Variants in KCNAB2 observed in about 807,000 individuals in gnomAD.
KCNAB2 encodes the protein voltage-gated potassium channel subunit beta-2.
A neutral mutation model predicts 63.6 loss-of-function variants in KCNAB2; 29 were observed. The observed-to-expected ratio is 0.46, with a 90% CI of 0.34 to 0.62. The LOEUF (loss-of-function observed/expected upper bound fraction) is 0.62. KCNAB2 is among the 20% of genes least tolerant of loss of function. The probability of loss-of-function intolerance (pLI) is 0.01; values close to 1 mark genes in which losing one functional copy is unlikely to be tolerated. For missense variants in KCNAB2, 359 were observed against 563.9 expected (o/e 0.64, Z 3.68); for synonymous variants, 222 against 224.2 (o/e 0.99, Z 0.09).
At chr1:6,020,997 T>G (rs1280135639) in intron 1 of KCNAB2, among the ~76,000 whole-genome samples, 2 of 152,106 alleles carry the variant, frequency 1.3e-5, no homozygotes, top group Admixed American at 6.5e-5. Context: ...ATTTTTATTT[T>G]CATATATATT....
At chr1:6,043,596 A>T (rs1311235226), upstream of KCNAB2, among the ~76,000 whole-genome samples, 2 of 152,168 alleles carry the variant, frequency 1.3e-5, no homozygotes, top group African/African-American at 4.8e-5. Context: ...GGCTCTGGAG[A>T]TGACCTCTAA....
chr1:6,055,787 G>T (rs1461509608), intron 2 of KCNAB2, among the ~76,000 whole-genome samples: 1 of 152,128 alleles, frequency 6.6e-6, no homozygotes, highest in East Asian at 1.9e-4. Context: ...GGTTGACGGG[G>T]TGGGTGGGAT....
intron 8 of KCNAB2, among the ~76,000 whole-genome samples, chr1:6,089,802 A>G (rs1665026999): frequency 6.6e-6 from 1 of 152,172 alleles, no homozygotes; most frequent in Non-Finnish European, 1.5e-5. Flanking sequence ...GGTTCAAGCA[A>G]TTCTCCTGCC....
chr1:6,018,841 G>A (rs1290020628), intron 1 of KCNAB2: 2 of 152,154 alleles, frequency 1.3e-5, no homozygotes, highest in Admixed American at 6.5e-5. Flanking sequence ...CCCAGGTTGT[G>A]GTATTTCATT....
chr1:6,063,133 C>T (rs1026598913), intron 2 of KCNAB2, among the ~76,000 whole-genome samples: 3 of 151,938 alleles, frequency 2.0e-5, no homozygotes, highest in African/African-American at 7.3e-5. Context: ...GATTCTCCTG[C>T]CTCAGCCTCC....
intron 2 of KCNAB2, among the ~76,000 whole-genome samples, chr1:6,068,120 C>T (rs1363146331): frequency 6.6e-6 from 1 of 152,222 alleles, no homozygotes; most frequent in East Asian, 1.9e-4. Context: ...TTATGTCAGT[C>T]CTAGGATCTC....
chr1:6,096,905 T>C lies in KCNAB2; in HGVS notation c.1069+149T>C. 1 of 1,142,978 alleles carries C rather than the reference T, an allele frequency of 8.7e-7. No individual in the cohort carries two copies. The allele number at this position is 1,142,978 out of a possible 1,614,324, so 70.8% of individuals were successfully genotyped here. A position where few individuals can be genotyped will look rare whatever the true frequency, so the allele number is the denominator to read the frequency against. On this transcript the variant is annotated intron_variant, in intron 14 of 15. Coordinates refer to ENST00000378083, the MANE Select transcript of KCNAB2 (RefSeq NM_001199862.2). This position sits in a 1 kb window ranked among gnomAD's most constrained non-coding sequence, Gnocchi z 5.9. ...ACATCATCCCCCAGCCAGCCTCGGG[T>C]AATCGGGCTCTAAGGGGCATGGTTG...
chr1:6,020,364 G>A (rs959546037), intron 1 of KCNAB2, among the ~76,000 whole-genome samples: 1 of 152,100 alleles, frequency 6.6e-6, no homozygotes, highest in Admixed American at 6.5e-5. Context: ...CTGCAGTACA[G>A]CCTCCCACCT....
intron 1 of KCNAB2, among the ~76,000 whole-genome samples, chr1:6,018,192 A>G (rs573603233): frequency 2.1e-5 from 3 of 143,548 alleles, no homozygotes; most frequent in East Asian, 4.4e-4. Context: ...CAGCCTCCCA[A>G]TCCCAAAGTG....
At chr1:6,075,928 A>T (rs1167408729) in intron 4 of KCNAB2, among the ~76,000 whole-genome samples, 1 of 152,046 alleles carries the variant, frequency 6.6e-6, no homozygotes, top group Non-Finnish European at 1.5e-5. Flanking sequence ...GTCTCTATGA[A>T]CTCTGCACAC....
intron 1 of KCNAB2, among the ~76,000 whole-genome samples, chr1:6,012,595 G>A (rs1005426670): frequency 1.5e-5 from 2 of 137,590 alleles, no homozygotes; most frequent in African/African-American, 2.8e-5. Context: ...TGATGAAGGC[G>A]GAGGTGGAGG....
chr1:6,085,084 C>T, intron 5 of KCNAB2, 120 bp from the exon 6 acceptor site: 2 of 1,033,632 alleles, frequency 1.9e-6, no homozygotes, highest in Non-Finnish European at 3.0e-6. Context: ...GTGTTAACAG[C>T]CTGGCTCTCT....
At chr1:6,045,727 C>T (rs1012792892), upstream of KCNAB2, among the ~76,000 whole-genome samples, 2 of 152,138 alleles carry the variant, frequency 1.3e-5, no homozygotes, top group African/African-American at 2.4e-5. This position sits in a 1 kb window ranked among gnomAD's most constrained non-coding sequence, Gnocchi z 4.8. Context: ...CTCTGTGTCC[C>T]GCACTCAGAT....
intron 2 of KCNAB2, chr1:6,040,696 C>T (rs113892791): frequency 1.0e-5 from 12 of 1,204,836 alleles, no homozygotes; most frequent in African/African-American, 3.0e-5. Flanking sequence ...AGTCCTGCTT[C>T]GAGGACGGGT....
chr1:6,060,889 A>C (rs1392095665), intron 2 of KCNAB2, among the ~76,000 whole-genome samples: 2 of 142,832 alleles, frequency 1.4e-5, no homozygotes, highest in Non-Finnish European at 3.0e-5. Flanking sequence ...GCAACAGAGC[A>C]AGACTCCGTC....
chr1:6,045,176 C>G (rs1436251514), upstream of KCNAB2, among the ~76,000 whole-genome samples: 2 of 152,198 alleles, frequency 1.3e-5, no homozygotes, highest in African/African-American at 2.4e-5. This position sits in a 1 kb window ranked among gnomAD's most constrained non-coding sequence, Gnocchi z 4.8. Context: ...TTTCCTGTCC[C>G]CCACCTTCCC....
At chr1:6,005,710 C>T (rs1395612938) in intron 1 of KCNAB2, among the ~76,000 whole-genome samples, 1 of 151,928 alleles carries the variant, frequency 6.6e-6, no homozygotes, top group Non-Finnish European at 1.5e-5. Context: ...CCAGCGGTCA[C>T]TGTGAGGATG....
Position 6,100,026 on chromosome 1 carries a change from G to A in KCNAB2, c.*1452G>A. The A allele has an allele frequency of 1.3e-6, 2 of 1,526,828 alleles. No individual in the cohort carries two copies. The highest frequency in any genetic ancestry group is 1.2e-5 in the South Asian group (1 of 80,360). 94.6% of individuals were successfully genotyped at this position (1,526,828 alleles called of 1,614,324 possible). On this transcript the variant is annotated 3_prime_UTR_variant, in exon 16 of 16. Transcript: ENST00000378083. ...CCACCCCTCGCCAGCTAGCTCCATA[G>A]GGAAGCCTGTGTCTCCTGCCCCCAG... is the stretch of plus-strand genomic sequence containing the variant.
At chr1:6,079,586 A>G (rs914596734) in intron 4 of KCNAB2, among the ~76,000 whole-genome samples, 1 of 152,152 alleles carries the variant, frequency 6.6e-6, no homozygotes, top group African/African-American at 2.4e-5. Context: ...TGAACCTTGA[A>G]CCTTGAGGAC....
Sources: gnomAD v4.1 joint callset for allele counts (sites outside exome capture counted in the v4.1 genomes callset) on GRCh38, gnomAD v4.1.1 for gene constraint, Gnocchi (gnomAD v3.1) non-coding constraint, MANE v1.5 for transcripts, NCBI Gene and HGNC (gene_info 2026-07-23, HGNC 2026-07-21) for gene names.